SORBS2: variants seen among roughly 807,000 people sequenced by gnomAD.
SORBS2 encodes the protein sorbin and SH3 domain-containing protein 2.
A neutral mutation model predicts 97.7 loss-of-function variants in SORBS2; 46 were observed. That is an observed-to-expected ratio of 0.47 (90% confidence interval 0.37 to 0.60). The LOEUF (loss-of-function observed/expected upper bound fraction) is 0.60, where lower values mean the gene tolerates loss of function less well. Among genes scored for constraint, SORBS2 ranks in the 20% least tolerant of loss-of-function variants. SORBS2 has a pLI of 0.00. For synonymous variants in SORBS2, 476 were observed against 473.4 expected (o/e 1.01, Z -0.07); for missense variants, 1,316 against 1,282.3 (o/e 1.03, Z -0.40).
chr4:185,629,957 C>G (rs1244646469), intron 5 of SORBS2, among the ~76,000 whole-genome samples: 3 of 152,140 alleles, frequency 2.0e-5, no homozygotes, highest in Non-Finnish European at 4.4e-5. Context: ...CGGTGACAAG[C>G]TATCTTGCCT....
chr4:185,603,816 C>T lies in SORBS2; in HGVS notation c.2796+7964G>A, dbSNP rs374552709. Among the ~76,000 whole-genome samples the T allele has an allele frequency of 3.2e-4, 48 of 152,238 alleles. No homozygotes were observed. The East Asian group carries it at 5.6e-3, about 18-fold the overall frequency. ...ATAGTATCTTTAGGTTAAATACCAG[C>T]GGAACTGTCAGCCTGCAAGTCTCAG... On this transcript the variant is annotated intron_variant, in intron 12 of 14. Transcript: ENST00000418609.
At chr4:185,816,054 T>A (rs1240251885) in intron 1 of SORBS2, among the ~76,000 whole-genome samples, 3 of 152,244 alleles carry the variant, frequency 2.0e-5, no homozygotes, top group Non-Finnish European at 4.4e-5. Context: ...TTACTGTTAC[T>A]CTGAGGAGGC....
intron 2 of SORBS2, among the ~76,000 whole-genome samples, chr4:185,735,828 G>A (rs1271821315): frequency 2.0e-5 from 3 of 151,972 alleles, no homozygotes; most frequent in African/African-American, 7.3e-5. Context: ...TTTAACCGTT[G>A]CAATTAACAC....
At chr4:185,600,315 C>A (rs921183166) in intron 12 of SORBS2, among the ~76,000 whole-genome samples, 3 of 152,196 alleles carry the variant, frequency 2.0e-5, no homozygotes, top group Non-Finnish European at 4.4e-5. Flanking sequence ...AGGCCAAGAA[C>A]ATATAAGAAA....
chr4:185,789,665 A>T (rs189346497), intron 1 of SORBS2, among the ~76,000 whole-genome samples: 1 of 152,134 alleles, frequency 6.6e-6, no homozygotes, highest in African/African-American at 2.4e-5. Context: ...TTAAATGGAT[A>T]CATTGGTGTC....
At chr4:185,892,598 A>G (rs559835871) in intron 1 of SORBS2, among the ~76,000 whole-genome samples, 1 of 152,242 alleles carries the variant, frequency 6.6e-6, no homozygotes, top group Non-Finnish European at 1.5e-5. Context: ...TTAAGAAGGA[A>G]GGAAATCCTG....
chr4:185,623,601 C>T lies in SORBS2; in HGVS notation c.1528G>A (p.Asp510Asn), dbSNP rs771002154. Residue 510 changes from aspartate to asparagine, a missense_variant, in exon 7 of 15, where the codon GAC becomes AAC. By Grantham distance (23) the Asp-to-Asn change is conservative. Transcript: ENST00000418609. This position sits in a 1 kb window ranked among gnomAD's most constrained non-coding sequence, Gnocchi z 6.4. ...TCTAGGTGAATGTAGTCACTGTGGT[C>T]GGACACAACCCCGTCCTGGTCGCTG... 3 of 1,614,078 alleles carry T rather than the reference C, an allele frequency of 1.9e-6. No individual in the cohort carries two copies. The highest frequency in any genetic ancestry group is 8.5e-7 in the Non-Finnish European group (1 of 1,180,026).
intron 1 of SORBS2, among the ~76,000 whole-genome samples, chr4:185,822,299 C>A (rs182480843): frequency 2.2e-4 from 34 of 152,286 alleles, no homozygotes; most frequent in African/African-American, 5.8e-4. Flanking sequence ...GAGGCCCGGG[C>A]CACATGCCGT....
Position 185,638,267 on chromosome 4 carries a change from G to A in SORBS2, c.397-7669C>T, listed in dbSNP as rs550399788. On this transcript the variant is annotated intron_variant, in intron 4 of 14. Coordinates refer to ENST00000418609, the Ensembl canonical transcript of SORBS2. ...CACGCGCGCATTGACACGCAAACAT[G>A]CATCAACTCTCACCCCACGAACCTC... The A allele has an allele frequency of 1.6e-4, 120 of 744,676 alleles. No individual in the cohort carries two copies. In the African/African-American group the frequency reaches 1.9e-3, roughly 12 times the overall value. 46.1% of individuals were successfully genotyped at this position (744,676 alleles called of 1,614,324 possible). A position where few individuals can be genotyped will look rare whatever the true frequency, so the allele number is the denominator to read the frequency against.
chr4:185,627,958 C>A (rs1461607516), intron 5 of SORBS2, among the ~76,000 whole-genome samples: 1 of 152,152 alleles, frequency 6.6e-6, no homozygotes, highest in Non-Finnish European at 1.5e-5. Context: ...TGGCTTCCTG[C>A]ACTCGGTGAT....
At chr4:185,947,785 ATT>A (rs1242040778) in intron 1 of SORBS2, among the ~76,000 whole-genome samples, 1 of 152,026 alleles carries the variant, frequency 6.6e-6, no homozygotes, top group Non-Finnish European at 1.5e-5. Context: ...TAATTTTTGT[ATT>A]TTTAGCAGAG....
At chr4:185,951,445 C>A (rs2099277190) in intron 1 of SORBS2, among the ~76,000 whole-genome samples, 1 of 152,188 alleles carries the variant, frequency 6.6e-6, no homozygotes, top group South Asian at 2.1e-4. Flanking sequence ...CCCTTCATCC[C>A]TCTTAGAAGC....
chr4:185,758,153 A>G (rs2098842178), intron 2 of SORBS2, among the ~76,000 whole-genome samples: 1 of 152,218 alleles, frequency 6.6e-6, no homozygotes, highest in African/African-American at 2.4e-5. Flanking sequence ...ATAATTTCAC[A>G]TACCTAGTAA....
chr4:185,897,734 G>A (rs1234891998), intron 1 of SORBS2, among the ~76,000 whole-genome samples: 3 of 152,112 alleles, frequency 2.0e-5, no homozygotes, highest in Non-Finnish European at 4.4e-5. Context: ...ACGAGAGGGC[G>A]TTCAAAAAGC....
chr4:185,637,836 C>T lies in SORBS2; in HGVS notation c.397-7238G>A, dbSNP rs753181553. Reference sequence around the variant, plus strand: ...ACAGAAACTACCTCAAGATTTTGAACTTGTAATGAATTAGATGTAAAGAAA... The same window carrying T: ...ACAGAAACTACCTCAAGATTTTGAATTTGTAATGAATTAGATGTAAAGAAA... On this transcript the variant is annotated intron_variant, in intron 4 of 14. Coordinates refer to ENST00000418609, the Ensembl canonical transcript of SORBS2. Among the ~76,000 whole-genome samples, 14 of 152,092 alleles carry T rather than the reference C, an allele frequency of 9.2e-5. 1 individual carries two copies. The highest frequency in any genetic ancestry group is 2.1e-4 in the Non-Finnish European group (14 of 68,010).
intron 1 of SORBS2, among the ~76,000 whole-genome samples, chr4:185,805,126 A>C (rs1028764224): frequency 6.6e-5 from 10 of 152,138 alleles, no homozygotes; most frequent in African/African-American, 2.4e-4. Context: ...TTATCTTCTG[A>C]ATTATTCACC....
intron 1 of SORBS2, among the ~76,000 whole-genome samples, chr4:185,917,244 T>G (rs2099258670): frequency 6.6e-6 from 1 of 152,160 alleles, no homozygotes; most frequent in South Asian, 2.1e-4. Context: ...TTCATTTCTT[T>G]GAAACAGGGT....
chr4:185,597,773 G>T (rs148540605), intron 12 of SORBS2, among the ~76,000 whole-genome samples: 1 of 152,288 alleles, frequency 6.6e-6, no homozygotes, highest in African/African-American at 2.4e-5. Flanking sequence ...GCTGCACTCT[G>T]TCGCCACCTA....
chr4:185,685,612 A>G (rs924504842), intron 2 of SORBS2, among the ~76,000 whole-genome samples: 4 of 152,064 alleles, frequency 2.6e-5, no homozygotes, highest in African/African-American at 4.8e-5. Flanking sequence ...GCTCATTGCC[A>G]TCTCAACCTC....
Sources: allele counts gnomAD v4.1 joint callset (sites outside exome capture counted in the v4.1 genomes callset), GRCh38; gene constraint gnomAD v4.1.1; non-coding constraint Gnocchi (gnomAD v3.1); transcripts MANE v1.5; gene names NCBI Gene and HGNC (gene_info 2026-07-23, HGNC 2026-07-21).